Variants in CREBBP observed in about 807,000 individuals in gnomAD.
The protein encoded by CREBBP is CREB-binding protein.
Under a neutral mutation model 265.0 loss-of-function variants are expected in CREBBP, and 19 were observed. The observed-to-expected ratio is 0.07, with a 90% CI of 0.05 to 0.11. The LOEUF (loss-of-function observed/expected upper bound fraction) is 0.11, where lower values mean the gene tolerates loss of function less well. Ranked by LOEUF, CREBBP falls within the 10% of genes least tolerant of loss-of-function variation. CREBBP has a pLI of 1.00. For missense variants in CREBBP, 2,525 were observed against 3,219.0 expected (o/e 0.78, Z 5.22); for synonymous variants, 1,457 against 1,223.7 (o/e 1.19, Z -3.98).
chr16:3,759,033 AC>A, intron 16 of CREBBP, 61 bp from the exon 17 acceptor site: 1 of 1,284,888 alleles, frequency 7.8e-7, no homozygotes, highest in Non-Finnish European at 1.1e-6. Context: ...CTCCTACCTC[AC>A]ATTTAAAACG....
chr16:3,814,122 T>C (rs555271063), intron 2 of CREBBP, among the ~76,000 whole-genome samples: 1 of 152,180 alleles, frequency 6.6e-6, no homozygotes, highest in East Asian at 1.9e-4. Context: ...TGGGTAATAC[T>C]TGCCTGGCCT....
At chr16:3,757,434 T>A (rs1567286981) in intron 18 of CREBBP, 58 bp from the exon 19 acceptor site, 2 of 1,368,340 alleles carry the variant, frequency 1.5e-6, no homozygotes, top group Non-Finnish European at 2.0e-6. Context: ...TACTGTCTTA[T>A]AATGTTCTAG....
chr16:3,855,844 T>C (rs778189366), intron 1 of CREBBP, among the ~76,000 whole-genome samples: 3 of 152,262 alleles, frequency 2.0e-5, no homozygotes, highest in Non-Finnish European at 4.4e-5. Context: ...ATTTATTAAA[T>C]ATGTATTAAA....
intron 2 of CREBBP, among the ~76,000 whole-genome samples, chr16:3,835,443 C>T (rs993487387): frequency 3.3e-5 from 5 of 152,014 alleles, no homozygotes; most frequent in African/African-American, 4.8e-5. Flanking sequence ...TATAGTTTGC[C>T]CTTAGACTAC....
intron 2 of CREBBP, among the ~76,000 whole-genome samples, chr16:3,832,015 GA>G (rs1368498031): frequency 6.7e-6 from 1 of 150,100 alleles, no homozygotes; most frequent in East Asian, 2.0e-4. Flanking sequence ...AAAAAAGAAA[GA>G]AAAAAAAGAA....
At chr16:3,858,581 T>C (rs1475273766) in intron 1 of CREBBP, among the ~76,000 whole-genome samples, 2 of 152,256 alleles carry the variant, frequency 1.3e-5, no homozygotes, top group African/African-American at 2.4e-5. Flanking sequence ...TCGTATGTAC[T>C]AGGCACTCAA....
chr16:3,828,343 C>T lies in CREBBP; in HGVS notation c.799-17564G>A, dbSNP rs180962333. 5.8e-3 allele frequency among the ~76,000 whole-genome samples: 881 copies of T among 152,308 alleles called. 14 individuals carry two copies. The highest frequency in any genetic ancestry group is 0.02 in the African/African-American group (851 of 41,570). On this transcript the variant is annotated intron_variant, in intron 2 of 30. Coordinates refer to ENST00000262367, the MANE Select transcript of CREBBP (RefSeq NM_004380.3). ...ACGACGTCAGGTGATCCACCCGCCT[C>T]GGCCTCCCAAAGTACTGGGATTACA...
intron 3 of CREBBP, among the ~76,000 whole-genome samples, chr16:3,802,386 C>T (rs1387229397): frequency 6.6e-6 from 1 of 151,976 alleles, no homozygotes; most frequent in African/African-American, 2.4e-5. Flanking sequence ...CCCGCCTTGG[C>T]CTCCCAAAGT....
intron 21 of CREBBP, among the ~76,000 whole-genome samples, chr16:3,747,390 C>T (rs553007815): frequency 6.6e-6 from 1 of 152,212 alleles, no homozygotes; most frequent in Admixed American, 6.5e-5. Context: ...TATTGAGCAA[C>T]CTGTGTTCTT....
chr16:3,757,675 C>A lies in CREBBP; in HGVS notation c.3609+134G>T, dbSNP rs182267204. On this transcript the variant is annotated intron_variant, in intron 18 of 30. Coordinates refer to ENST00000262367, the MANE Select transcript of CREBBP (RefSeq NM_004380.3). ...TGATCACCCATCACATCGCTTCAGGCATCAACTGTGTCACCAGACAGCAGA... is the reference window on the plus strand; with the variant it reads ...TGATCACCCATCACATCGCTTCAGGAATCAACTGTGTCACCAGACAGCAGA... 5 of 1,300,596 alleles carry A rather than the reference C, an allele frequency of 3.8e-6. No homozygotes were observed. In the African/African-American group the frequency reaches 7.3e-5, roughly 19 times the overall value. 80.6% of individuals were successfully genotyped at this position (1,300,596 alleles called of 1,614,324 possible).
intron 4 of CREBBP, 92 bp downstream of exon 4, chr16:3,793,294 C>CA (rs1298992420): frequency 3.1e-5 from 49 of 1,570,086 alleles, no homozygotes; most frequent in Middle Eastern, 1.7e-4. Context: ...CTCAGGCTGC[C>CA]GGAGCCTTAT....
chr16:3,878,928 G>A (rs776210502), intron 1 of CREBBP, among the ~76,000 whole-genome samples: 1 of 152,114 alleles, frequency 6.6e-6, no homozygotes, highest in African/African-American at 2.4e-5. Flanking sequence ...GATAACTTAA[G>A]AAAGTTTCCA....
chr16:3,744,600 C>G lies in CREBBP; in HGVS notation c.3982+294G>C, dbSNP rs564454345. Among the ~76,000 whole-genome samples, 13 of 152,258 alleles carry G rather than the reference C, an allele frequency of 8.5e-5. No individual in the cohort carries two copies. In the South Asian group the frequency reaches 2.5e-3, roughly 29 times the overall value. ...GCTCTGAGCTCTGTGCTCAGCAGCCCCGTGGCTGAGATGACCATTCTGAGA... is the reference window on the plus strand; with the variant it reads ...GCTCTGAGCTCTGTGCTCAGCAGCCGCGTGGCTGAGATGACCATTCTGAGA... On this transcript the variant is annotated intron_variant, in intron 23 of 30. Transcript: ENST00000262367.
At chr16:3,852,797 C>G (rs1376388088) in intron 1 of CREBBP, among the ~76,000 whole-genome samples, 1 of 152,112 alleles carries the variant, frequency 6.6e-6, no homozygotes, top group African/African-American at 2.4e-5. Context: ...CTAAAACAAC[C>G]CTTTTTCTGG....
At chr16:3,846,696 G>A (rs1179444111) in intron 2 of CREBBP, among the ~76,000 whole-genome samples, 1 of 151,968 alleles carries the variant, frequency 6.6e-6, no homozygotes, top group Non-Finnish European at 1.5e-5. Context: ...TGGGTGGGGA[G>A]GGGAACATCT....
At chr16:3,758,769 T>G in intron 17 of CREBBP, 85 bp downstream of exon 17, 1 of 1,042,960 alleles carries the variant, frequency 9.6e-7, no homozygotes, top group Non-Finnish European at 1.5e-6. Flanking sequence ...AGGGGGATTA[T>G]TTTATCTAAT....
intron 1 of CREBBP, among the ~76,000 whole-genome samples, chr16:3,863,558 C>T (rs1293772679): frequency 6.6e-6 from 1 of 152,112 alleles, no homozygotes; most frequent in Non-Finnish European, 1.5e-5. Context: ...GCCGAGATCG[C>T]GCCACTGCAC....
intron 19 of CREBBP, among the ~76,000 whole-genome samples, chr16:3,755,235 T>C (rs2052560760): frequency 6.6e-6 from 1 of 152,242 alleles, no homozygotes; most frequent in Non-Finnish European, 1.5e-5. Flanking sequence ...TCTTTGGTCC[T>C]ACCAATTCCA....
chr16:3,784,291 C>T (rs1188237577), intron 5 of CREBBP, among the ~76,000 whole-genome samples: 1 of 152,102 alleles, frequency 6.6e-6, no homozygotes, highest in African/African-American at 2.4e-5. Context: ...ATTATACTTT[C>T]CATACTATTA....
Sources: allele counts gnomAD v4.1 joint callset (sites outside exome capture counted in the v4.1 genomes callset), GRCh38; gene constraint gnomAD v4.1.1; transcripts MANE v1.5; gene names NCBI Gene and HGNC (gene_info 2026-07-23, HGNC 2026-07-21).